The following KCNN1 variants were observed in gnomAD, a reference collection of about 807,000 sequenced individuals.
The protein encoded by KCNN1 is small conductance calcium-activated potassium channel protein 1.
Under a neutral mutation model 44.7 loss-of-function variants are expected in KCNN1, and 20 were observed. That is an observed-to-expected ratio of 0.45 (90% CI 0.32 to 0.65). KCNN1 has a LOEUF of 0.65. KCNN1 is among the 30% of genes least tolerant of loss of function. The pLI is 0.05. For missense variants in KCNN1, 632 were observed against 785.3 expected (o/e 0.80, Z 2.33); for synonymous variants, 324 against 341.7 (o/e 0.95, Z 0.57).
intron 3 of KCNN1, among the ~76,000 whole-genome samples, chr19:17,978,898 A>T (rs182034380): frequency 3.9e-3 from 582 of 151,004 alleles, no homozygotes; most frequent in Non-Finnish European, 6.1e-3. Context: ...CTACACAAAA[A>T]TTTTTTAAAC....
Position 17,993,549 on chromosome 19 carries a change from A to T in KCNN1, c.1367A>T (p.Asp456Val). 6.2e-7 allele frequency: 1 copy of T among 1,613,640 alleles called. No homozygotes were observed. The highest frequency in any genetic ancestry group is 8.5e-7 in the Non-Finnish European group (1 of 1,179,650). ...AACGACCAGGCTAACACGCTTACCG[A>T]CCTAGCCAAGGTGAGTGGGTTGGGG... The part of the protein sequence containing the change: ...KLNDQANTLT[D>V]LAKTQTVMYD... The change falls in exon 9 of 10, where the codon GAC becomes GTC. Residue 456 changes from aspartate to valine, a missense_variant. Physicochemically the swap from Asp to Val is radical, Grantham distance 152. This residue lies in a region of KCNN1 where 237 missense variants were observed against 253.0 expected (regional missense o/e 0.94). Transcript: ENST00000684775. The surrounding 1 kb of genome is among the most constrained non-coding windows in gnomAD (Gnocchi z 4.5).
chr19:17,973,389 T>C (rs1404678702), intron 1 of KCNN1, among the ~76,000 whole-genome samples: 2 of 152,238 alleles, frequency 1.3e-5, no homozygotes, highest in African/African-American at 4.8e-5. Context: ...CAAGCGATTC[T>C]TCTGCCTCAG....
chr19:17,987,768 G>A (rs1372781764), intron 5 of KCNN1, among the ~76,000 whole-genome samples: 1 of 150,766 alleles, frequency 6.6e-6, no homozygotes, highest in Non-Finnish European at 1.5e-5. Context: ...AGGCCGAGGT[G>A]GGTGGATCAT....
At chr19:17,977,121 C>T (rs1347827758) in intron 3 of KCNN1, among the ~76,000 whole-genome samples, 1 of 152,100 alleles carries the variant, frequency 6.6e-6, no homozygotes, top group Non-Finnish European at 1.5e-5. Context: ...GGGTTGGTTC[C>T]TTCTGAGAGC....
At chr19:17,960,528 G>A (rs1366123764) in intron 2 of KCNN1, among the ~76,000 whole-genome samples, 8 of 152,098 alleles carry the variant, frequency 5.3e-5, no homozygotes, top group Non-Finnish European at 8.8e-5. Context: ...TACTCGGGAG[G>A]CTGAGGCAGG....
intron 1 of KCNN1, among the ~76,000 whole-genome samples, chr19:17,969,087 T>C (rs1236616864): frequency 6.6e-6 from 1 of 151,914 alleles, no homozygotes; most frequent in East Asian, 1.9e-4. Flanking sequence ...GGCTCCTGGG[T>C]CTCTGGGAAT....
At chr19:17,975,050 C>T (rs766154654) in intron 2 of KCNN1, 42 bp from the exon 3 acceptor site, 24 of 1,544,298 alleles carry the variant, frequency 1.6e-5, no homozygotes, top group Non-Finnish European at 2.0e-5. Context: ...GCCGGCCCAC[C>T]GCCTCCAGCG....
chr19:17,959,000 CTATTTATT>C (rs35942195), intron 2 of KCNN1, among the ~76,000 whole-genome samples: 12 of 143,508 alleles, frequency 8.4e-5, no homozygotes, highest in Admixed American at 1.4e-4. Context: ...ACGTCCAGCC[CTATTTATT>C]TATTTATTTA....
intron 4 of KCNN1, among the ~76,000 whole-genome samples, chr19:17,984,426 G>A (rs1029809036): frequency 6.6e-6 from 1 of 152,112 alleles, no homozygotes; most frequent in East Asian, 1.9e-4. Context: ...ACCCCAGTTG[G>A]CCTCTGACCT....
chr19:17,976,768 T>A (rs1475413994), intron 3 of KCNN1, among the ~76,000 whole-genome samples: 2 of 149,886 alleles, frequency 1.3e-5, no homozygotes, highest in Non-Finnish European at 3.0e-5. Flanking sequence ...CAGGCTGGAG[T>A]GCAGTGGCGC....
Position 17,981,783 on chromosome 19 carries a change from A to T in KCNN1, c.573A>T (p.Leu191=). Residue 191 remains leucine (L), a synonymous_variant, in exon 4 of 10, where the codon CTA becomes CTT. Coordinates refer to ENST00000684775, the MANE Select transcript of KCNN1 (RefSeq NM_001386974.1). ...MTCERVFLIS[L]ELAVCAIHPV... ...GCGAGCGCGTGTTCCTCATCTCGCTAGAGCTGGCAGTGTGCGCCATTCACC... is the reference window on the plus strand; with the variant it reads ...GCGAGCGCGTGTTCCTCATCTCGCTTGAGCTGGCAGTGTGCGCCATTCACC... 6.2e-7 allele frequency: 1 copy of T among 1,612,698 alleles called. No individual in the cohort carries two copies. Among genetic ancestry groups the T allele is most frequent in the Non-Finnish European group, 8.5e-7 (1 of 1,179,060 alleles).
rs2032143265 is a variant in KCNN1 at position 17,974,587 on chromosome 19, C to G, written c.402+297C>G. 6.6e-6 allele frequency among the ~76,000 whole-genome samples: 1 copy of G among 152,166 alleles called. No individual in the cohort carries two copies. On this transcript the variant is annotated intron_variant, in intron 2 of 9. Transcript: ENST00000684775. The surrounding 1 kb of genome is among the most constrained non-coding windows in gnomAD (Gnocchi z 7.3). ...AGGGGTTCCCCAGAGTGGGCCTGCT[C>G]TGGGGAGCAACAGAAGATCTTCCTC...
At chr19:17,963,128 C>A (rs1005874948), upstream of KCNN1, among the ~76,000 whole-genome samples, 1 of 150,904 alleles carries the variant, frequency 6.6e-6, no homozygotes, top group Non-Finnish European at 1.5e-5. Context: ...CTGCCTCAGC[C>A]GCCAGAGTAG....
intron 3 of KCNN1, among the ~76,000 whole-genome samples, chr19:17,976,996 C>T (rs570780418): frequency 1.4e-4 from 22 of 151,914 alleles, no homozygotes; most frequent in Non-Finnish European, 2.6e-4. Flanking sequence ...GGATTACAAG[C>T]GTGAGCCACC....
At chr19:17,986,408 G>A (rs1736027095) in intron 5 of KCNN1, among the ~76,000 whole-genome samples, 1 of 151,600 alleles carries the variant, frequency 6.6e-6, no homozygotes, top group South Asian at 2.1e-4. Context: ...TGTGTCCTCT[G>A]CAGCCCAAAC....
intron 6 of KCNN1, 101 bp downstream of exon 6, chr19:17,988,626 C>T: frequency 1.2e-6 from 1 of 847,792 alleles, no homozygotes; most frequent in East Asian, 2.7e-5. Flanking sequence ...CTCATGTGCC[C>T]ATGGGTTACC....
chr19:17,994,736 G>C (rs925917391), intron 9 of KCNN1, among the ~76,000 whole-genome samples: 1 of 152,148 alleles, frequency 6.6e-6, no homozygotes, highest in African/African-American at 2.4e-5. Context: ...TAGAGACGGG[G>C]TTTCGCCATG....
chr19:17,988,284 G>T, intron 5 of KCNN1, 131 bp from the exon 6 acceptor site: 1 of 667,278 alleles, frequency 1.5e-6, no homozygotes, highest in Non-Finnish European at 2.6e-6. Flanking sequence ...TGAAGTCAGT[G>T]AGCTCAGCAG....
At chr19:17,996,165 A>AC (rs2145979807) in intron 9 of KCNN1, among the ~76,000 whole-genome samples, 1 of 111,538 alleles carries the variant, frequency 9.0e-6, no homozygotes, top group South Asian at 3.1e-4. Context: ...CTCCATTGCT[A>AC]CAAAAAAAAA....
Sources: gnomAD v4.1 joint callset for allele counts (sites outside exome capture counted in the v4.1 genomes callset) on GRCh38, gnomAD v4.1.1 for gene constraint, gnomAD v4.1.1 regional missense constraint, Gnocchi (gnomAD v3.1) non-coding constraint, MANE v1.5 for transcripts, NCBI Gene and HGNC (gene_info 2026-07-23, HGNC 2026-07-21) for gene names.